Variants in SLC9A9 observed in about 807,000 individuals in gnomAD.
SLC9A9 encodes the protein solute carrier family 9 member A9, also known as sodium/hydrogen exchanger 9.
A neutral mutation model predicts 77.8 loss-of-function variants in SLC9A9; 62 were observed. The observed-to-expected ratio is 0.80, with a 90% confidence interval of 0.65 to 0.98. The LOEUF (loss-of-function observed/expected upper bound fraction) is 0.98. Ranked by LOEUF, SLC9A9 falls within the 50% of genes least tolerant of loss-of-function variation. SLC9A9 has a pLI of 0.00. For missense variants in SLC9A9, 775 were observed against 774.9 expected, an observed-to-expected ratio of 1.00 and a Z score of 0.00; for synonymous variants, 320 against 283.5, an observed-to-expected ratio of 1.13 and a Z score of -1.29.
intron 9 of SLC9A9, among the ~76,000 whole-genome samples, chr3:143,497,723 T>G (rs149479021): frequency 0.011 from 1,729 of 152,306 alleles, 41 homozygotes; most frequent in African/African-American, 0.04. Context: ...ACTTTTTGAT[T>G]TGAAGTAGGG....
intron 14 of SLC9A9, among the ~76,000 whole-genome samples, chr3:143,289,369 A>G (rs1485821758): frequency 1.3e-5 from 2 of 152,058 alleles, no homozygotes; most frequent in African/African-American, 2.4e-5. Flanking sequence ...TATTTTTTTA[A>G]ATGTCCCTTT....
At chr3:143,564,188 T>C (rs1265990865) in intron 8 of SLC9A9, among the ~76,000 whole-genome samples, 1 of 152,212 alleles carries the variant, frequency 6.6e-6, no homozygotes, top group East Asian at 1.9e-4. Flanking sequence ...TTAAATTTTC[T>C]TATTCAAGAG....
intron 6 of SLC9A9, among the ~76,000 whole-genome samples, chr3:143,602,981 C>G (rs2108688547): frequency 6.6e-6 from 1 of 152,374 alleles, no homozygotes; most frequent in Non-Finnish European, 1.5e-5. Flanking sequence ...GCACAGAAAT[C>G]TGCAGCCTCA....
chr3:143,725,186 C>T (rs1560050300), intron 4 of SLC9A9, among the ~76,000 whole-genome samples: 3 of 152,086 alleles, frequency 2.0e-5, no homozygotes, highest in African/African-American at 7.2e-5. Flanking sequence ...TGGTGATTGG[C>T]ACATAGTTCA....
chr3:143,816,484 A>T (rs1407544525), intron 2 of SLC9A9, among the ~76,000 whole-genome samples: 1 of 152,182 alleles, frequency 6.6e-6, no homozygotes, highest in Admixed American at 6.5e-5. Flanking sequence ...ATAGTTTTTG[A>T]GATTTATGTA....
At chr3:143,645,181 A>G (rs1185398466) in intron 6 of SLC9A9, among the ~76,000 whole-genome samples, 2 of 152,224 alleles carry the variant, frequency 1.3e-5, no homozygotes, top group Non-Finnish European at 2.9e-5. Flanking sequence ...TCATTCATTC[A>G]GTAGTTATTG....
intron 6 of SLC9A9, among the ~76,000 whole-genome samples, chr3:143,605,211 T>C (rs567029415): frequency 6.8e-4 from 103 of 152,308 alleles, no homozygotes; most frequent in Non-Finnish European, 1.1e-3. Context: ...AAGAAGTGCC[T>C]GAGTGCTCAA....
chr3:143,660,221 C>A (rs1225577868), intron 5 of SLC9A9, among the ~76,000 whole-genome samples: 1 of 152,058 alleles, frequency 6.6e-6, no homozygotes, highest in East Asian at 1.9e-4. Context: ...CTCTTAAAAG[C>A]AGAAAAATTT....
At chr3:143,843,953 C>A (rs1368303085) in intron 1 of SLC9A9, among the ~76,000 whole-genome samples, 1 of 152,084 alleles carries the variant, frequency 6.6e-6, no homozygotes, top group African/African-American at 2.4e-5. Context: ...GAAATGAGAA[C>A]CATCGAATAT....
At chr3:143,306,060 T>A (rs887475841) in intron 14 of SLC9A9, among the ~76,000 whole-genome samples, 2 of 149,008 alleles carry the variant, frequency 1.3e-5, no homozygotes, top group African/African-American at 4.9e-5. Context: ...GGAATTTCTT[T>A]AAAAAAAAAA....
chr3:143,684,117 A>G (rs1933187685), intron 5 of SLC9A9, among the ~76,000 whole-genome samples: 1 of 152,102 alleles, frequency 6.6e-6, no homozygotes, highest in South Asian at 2.1e-4. Context: ...AGATTTAAAC[A>G]TGACTGTCCC....
intron 8 of SLC9A9, among the ~76,000 whole-genome samples, chr3:143,554,682 C>A (rs2036948931): frequency 6.6e-6 from 1 of 152,186 alleles, no homozygotes. Context: ...CCTGCAAGAT[C>A]TCTTCCTGCC....
chr3:143,318,602 C>T (rs1181572011), intron 14 of SLC9A9, among the ~76,000 whole-genome samples: 1 of 152,174 alleles, frequency 6.6e-6, no homozygotes, highest in East Asian at 1.9e-4. Flanking sequence ...AACAACCCAT[C>T]TGTCACAAAT....
intron 6 of SLC9A9, among the ~76,000 whole-genome samples, chr3:143,591,464 G>A (rs373493829): frequency 2.2e-4 from 33 of 152,182 alleles, no homozygotes; most frequent in South Asian, 2.1e-4. Context: ...GTTTCTAGGC[G>A]TTGCCATGAA....
chr3:143,813,473 C>G (rs984163304), intron 2 of SLC9A9, among the ~76,000 whole-genome samples: 1 of 152,102 alleles, frequency 6.6e-6, no homozygotes, highest in African/African-American at 2.4e-5. Flanking sequence ...TAAGTGTGTA[C>G]CTCTCAGCCT....
chr3:143,532,345 A>T (rs2036522354), intron 9 of SLC9A9, among the ~76,000 whole-genome samples: 1 of 152,220 alleles, frequency 6.6e-6, no homozygotes, highest in African/African-American at 2.4e-5. Flanking sequence ...ACACTACTGG[A>T]TATAATTCAT....
chr3:143,625,594 T>C (rs375048241), intron 6 of SLC9A9, among the ~76,000 whole-genome samples: 11 of 151,512 alleles, frequency 7.3e-5, no homozygotes, highest in South Asian at 2.1e-4. Flanking sequence ...CCCTTCCTTA[T>C]ACCTTATACA....
chr3:143,332,208 C>T (rs892350834), intron 14 of SLC9A9, among the ~76,000 whole-genome samples: 2 of 152,150 alleles, frequency 1.3e-5, no homozygotes, highest in African/African-American at 4.8e-5. Context: ...TTCTGTCTAT[C>T]CTCATGGCAG....
At chr3:143,342,824 G>A (rs1331125340) in intron 14 of SLC9A9, among the ~76,000 whole-genome samples, 3 of 152,166 alleles carry the variant, frequency 2.0e-5, no homozygotes, top group African/African-American at 7.2e-5. Flanking sequence ...TCAACCTCAG[G>A]TGCAGGTGCA....
Sources: allele counts gnomAD v4.1 joint callset (sites outside exome capture counted in the v4.1 genomes callset), GRCh38; gene constraint gnomAD v4.1.1; transcripts MANE v1.5; gene names NCBI Gene and HGNC (gene_info 2026-07-23, HGNC 2026-07-21).